SH2B1: variants seen among roughly 807,000 people sequenced by gnomAD.
The protein encoded by SH2B1 is SH2B adapter protein 1.
Under a neutral mutation model 62.6 loss-of-function variants are expected in SH2B1, and 15 were observed. The observed-to-expected ratio is 0.24, with a 90% CI of 0.16 to 0.37. The LOEUF (loss-of-function observed/expected upper bound fraction) is 0.37, where lower values mean the gene tolerates loss of function less well. SH2B1 is among the 10% of genes least tolerant of loss of function. The probability of loss-of-function intolerance (pLI) is 1.00; values close to 1 mark genes in which losing one functional copy is unlikely to be tolerated. For missense variants in SH2B1, 925 were observed against 1,015.6 expected (o/e 0.91, Z 1.21); for synonymous variants, 443 against 438.0 (o/e 1.01, Z -0.14).
At position 28,873,718 on chromosome 16, in the gene SH2B1, G is replaced by C. The variant is rs769545905; in HGVS notation, c.2169G>C (p.Ala723=). ...AGGGCGCTGGGTCTGGTGGGGACGC[G>C]GGGGTGCCCCCAATGGTGCAGCTGC... ...EAQGAGSGGD[A]GVPPMVQLQQ... Residue 723 remains alanine, a synonymous_variant, in exon 8 of 8, where the codon GCG becomes GCC. Transcript: ENST00000684370. The surrounding 1 kb of genome is among the most constrained non-coding windows in gnomAD (Gnocchi z 4.2). 6.7e-7 allele frequency: 1 copy of C among 1,498,390 alleles called. No individual in the cohort carries two copies. The highest frequency in any genetic ancestry group is 1.4e-5 in the African/African-American group (1 of 71,156). 92.8% of individuals were successfully genotyped at this position (1,498,390 alleles called of 1,614,324 possible). A position where few individuals can be genotyped will look rare whatever the true frequency, so the allele number is the denominator to read the frequency against.
chr16:28,864,377 C>G lies in SH2B1; in HGVS notation c.-1718C>G. ...AAGGGGGCTGGGTCTGTCTGCGGTG[C>G]GGAGGATTGGGTGGGCCTGTGTGAG... On this transcript the variant is annotated 5_prime_UTR_variant, in exon 1 of 8. Transcript: ENST00000684370. The G allele has an allele frequency of 1.0e-6, 1 of 988,728 alleles. No individual in the cohort carries two copies. The highest frequency in any genetic ancestry group is 1.7e-5 in the African/African-American group (1 of 57,312). 61.2% of individuals were successfully genotyped at this position (988,728 alleles called of 1,614,324 possible).
rs187748197 is a variant in SH2B1 at position 28,853,090 on chromosome 16, A to G, written c.-301+6263A>G. On this transcript the variant is annotated intron_variant, in intron 1 of 10. Coordinates refer to the SH2B1 transcript ENST00000322610. ...TGTACATATATATTTATATATATTT[A>G]TACATATATATTTATATATACATTT... Among the ~76,000 whole-genome samples the G allele has an allele frequency of 6.5e-3, 775 of 119,150 alleles. 13 individuals are homozygous for G. The highest frequency in any genetic ancestry group is 9.3e-3 in the Non-Finnish European group (574 of 61,550). 78.2% of individuals were successfully genotyped at this position (119,150 alleles called of 152,430 possible).
chr16:28,866,539 C>T lies in SH2B1; in HGVS notation c.445C>T (p.Leu149Phe). 6.2e-7 allele frequency: 1 copy of T among 1,614,102 alleles called. No homozygotes were observed. The highest frequency in any genetic ancestry group is 8.5e-7 in the Non-Finnish European group (1 of 1,180,026). The change falls in exon 1 of 8, where the codon CTC becomes TTC. Residue 149 changes from leucine to phenylalanine, a missense_variant. By Grantham distance (22) the Leu-to-Phe change is conservative. This residue lies in a region of SH2B1 where 683 missense variants were observed against 704.0 expected (regional missense o/e 0.97). Transcript: ENST00000684370. The surrounding 1 kb of genome is among the most constrained non-coding windows in gnomAD (Gnocchi z 6.3). ...SSSTTSSKPK[L>F]KKRFSLRSVG... ...CTCTACAACCTCCTCCAAGCCGAAG[C>T]TCAAGAAGCGCTTTTCCCTGCGTTC...
chr16:28,864,326 T>G lies in SH2B1; in HGVS notation c.-1769T>G. 1 of 993,504 alleles carries G rather than the reference T, an allele frequency of 1.0e-6. No homozygotes were observed. The highest frequency in any genetic ancestry group is 1.2e-6 in the Non-Finnish European group (1 of 834,796). The allele number at this position is 993,504 out of a possible 1,614,324, so 61.5% of individuals were successfully genotyped here. ...CAGAAGAGAAACTGAGTCACCAGCT[T>G]AGGAGTCGCAGGGTCAGCGGGCCTG... On this transcript the variant is annotated 5_prime_UTR_variant, in exon 1 of 8. Transcript: ENST00000684370.
At chr16:28,870,829 G>A (rs937822346) in intron 4 of SH2B1, among the ~76,000 whole-genome samples, 3 of 152,066 alleles carry the variant, frequency 2.0e-5, no homozygotes, top group Non-Finnish European at 4.4e-5. Context: ...GACCACAGGC[G>A]TGTGCCACCA....
chr16:28,850,073 G>C (rs192474800), intron 1 of SH2B1, among the ~76,000 whole-genome samples: 39 of 152,300 alleles, frequency 2.6e-4, no homozygotes, highest in African/African-American at 8.4e-4. Flanking sequence ...AGCATCCTCT[G>C]TATTAGTGAA....
chr16:28,853,647 G>A (rs1017873706), intron 1 of SH2B1, among the ~76,000 whole-genome samples: 2 of 150,282 alleles, frequency 1.3e-5, no homozygotes, highest in African/African-American at 4.9e-5. Context: ...GAACCATCAC[G>A]CCCAGCCCCC....
intron 2 of SH2B1, 43 bp from the exon 3 acceptor site, chr16:28,868,963 T>TCCCTGC (rs1962881521): frequency 6.8e-7 from 1 of 1,476,692 alleles, no homozygotes; most frequent in South Asian, 1.1e-5. Context: ...TTAAGCCTCC[T>TCCCTGC]CCCTGCCCCT....
chr16:28,860,687 G>A (rs557925522), upstream of SH2B1, among the ~76,000 whole-genome samples: 83 of 152,174 alleles, frequency 5.5e-4, no homozygotes, highest in Non-Finnish European at 8.2e-4. Flanking sequence ...GATCCCCCAC[G>A]GATCCCTTTA....
chr16:28,855,051 T>A (rs1474946314), intron 1 of SH2B1, among the ~76,000 whole-genome samples: 1 of 151,832 alleles, frequency 6.6e-6, no homozygotes, highest in Non-Finnish European at 1.5e-5. Flanking sequence ...AATTTTTGTA[T>A]TTTTAGTAGA....
In SH2B1 at chr16:28,865,189, CTT is replaced by C; in HGVS notation, c.-905_-904del. ...TTTGTTTACGTGAGGCCAGCAAAGA[CTT>C]GACCTGAGCCAACCCAGTTTCTCCT... On this transcript the variant is annotated 5_prime_UTR_variant, in exon 1 of 8. It removes the in-frame stop codon of an upstream open reading frame in the 5' UTR. Coordinates refer to ENST00000684370, the MANE Select transcript of SH2B1 (RefSeq NM_001387430.1). 1 of 985,614 alleles carries C rather than the reference CTT, an allele frequency of 1.0e-6. No homozygotes were observed. The highest frequency in any genetic ancestry group is 1.7e-5 in the African/African-American group (1 of 57,366). 61.1% of individuals were successfully genotyped at this position (985,614 alleles called of 1,614,324 possible).
At chr16:28,870,287 G>T (rs1962957681) in intron 4 of SH2B1, among the ~76,000 whole-genome samples, 2 of 152,156 alleles carry the variant, frequency 1.3e-5, no homozygotes, top group South Asian at 4.1e-4. Flanking sequence ...TTTCAGCTGG[G>T]TTGACATCAC....
chr16:28,859,354 C>T (rs567631733), upstream of SH2B1, among the ~76,000 whole-genome samples: 1 of 152,238 alleles, frequency 6.6e-6, no homozygotes, highest in South Asian at 2.1e-4. Context: ...GTATTAAGCC[C>T]AGTACCCAAC....
rs745602022 is a variant in SH2B1 at position 28,872,186 on chromosome 16, G to T, written c.1514-4G>T. Reference sequence around the variant, plus strand: ...CGGTTTCCCTCCCTCTCTCCTTCCTGAAGGGTCCTTCCTGTTCCAGGGGGA... The same window carrying T: ...CGGTTTCCCTCCCTCTCTCCTTCCTTAAGGGTCCTTCCTGTTCCAGGGGGA... On this transcript the variant is annotated splice_polypyrimidine_tract_variant and splice_region_variant and intron_variant, in intron 5 of 7. Transcript: ENST00000684370. This position sits in a 1 kb window ranked among gnomAD's most constrained non-coding sequence, Gnocchi z 5.3. 2.2e-5 allele frequency: 35 copies of T among 1,611,076 alleles called. No individual in the cohort carries two copies. The highest frequency in any genetic ancestry group is 3.0e-5 in the Non-Finnish European group (35 of 1,178,484).
chr16:28,857,069 G>T (rs1962335445), intron 1 of SH2B1, among the ~76,000 whole-genome samples: 1 of 152,116 alleles, frequency 6.6e-6, no homozygotes, highest in African/African-American at 2.4e-5. Flanking sequence ...GATCACTTGA[G>T]GTCAGGAGTT....
At chr16:28,867,892 G>A (rs778676000) in intron 2 of SH2B1, among the ~76,000 whole-genome samples, 11 of 152,196 alleles carry the variant, frequency 7.2e-5, no homozygotes, top group Admixed American at 1.3e-4. Flanking sequence ...GCAGCGGCGC[G>A]ATCTTGGCTC....
chr16:28,863,463 C>T (rs1167121524), upstream of SH2B1: 1 of 522,530 alleles, frequency 1.9e-6, no homozygotes, highest in Non-Finnish European at 3.4e-6. Flanking sequence ...GCGCTCTAGG[C>T]TGCAGCGGGC....
At chr16:28,855,785 G>A (rs1281246977) in intron 1 of SH2B1, among the ~76,000 whole-genome samples, 2 of 147,336 alleles carry the variant, frequency 1.4e-5, no homozygotes, top group African/African-American at 2.5e-5. Flanking sequence ...GACTACAGGC[G>A]CCCGCCAGCA....
At chr16:28,863,522 C>T, upstream of SH2B1, 3 of 691,436 alleles carry the variant, frequency 4.3e-6, no homozygotes, top group East Asian at 5.7e-5. Flanking sequence ...TCGGCGGCTA[C>T]TCTAGCCCTC....
Sources: gnomAD v4.1 joint callset for allele counts (sites outside exome capture counted in the v4.1 genomes callset) on GRCh38, gnomAD v4.1.1 for gene constraint, gnomAD v4.1.1 regional missense constraint, Gnocchi (gnomAD v3.1) non-coding constraint, MANE v1.5 for transcripts, NCBI Gene and HGNC (gene_info 2026-07-23, HGNC 2026-07-21) for gene names.